Variants in OPCML observed in about 807,000 individuals in gnomAD.
OPCML encodes the protein opioid binding protein/cell adhesion molecule like.
Under a neutral mutation model 37.8 loss-of-function variants are expected in OPCML, and 13 were observed. That is an observed-to-expected ratio of 0.34 (90% CI 0.22 to 0.55). The LOEUF (loss-of-function observed/expected upper bound fraction) is 0.55. Ranked by LOEUF, OPCML falls within the 20% of genes least tolerant of loss-of-function variation. OPCML has a pLI of 0.91. For missense variants in OPCML, 341 were observed against 435.6 expected, an observed-to-expected ratio of 0.78 and a Z score of 1.93; for synonymous variants, 176 against 168.8, an observed-to-expected ratio of 1.04 and a Z score of -0.33.
chr11:132,813,077 G>A (rs985047902), intron 2 of OPCML, among the ~76,000 whole-genome samples: 8 of 152,024 alleles, frequency 5.3e-5, no homozygotes, highest in Admixed American at 6.6e-5. Context: ...ATTCCCTTTT[G>A]ATTCAAATAG....
chr11:132,528,958 A>G (rs145376852), intron 4 of OPCML, 103 bp downstream of exon 4: 1 of 649,924 alleles, frequency 1.5e-6, no homozygotes, highest in Non-Finnish European at 2.7e-6. Flanking sequence ...ATTTTCTATG[A>G]CTGGATTACA....
intron 2 of OPCML, among the ~76,000 whole-genome samples, chr11:132,832,871 C>A (rs766437998): frequency 6.6e-6 from 1 of 152,122 alleles, no homozygotes; most frequent in Non-Finnish European, 1.5e-5. Flanking sequence ...AGTATTTGTG[C>A]AACTAAGCTT....
rs545949522 is a variant in OPCML at position 133,435,678 on chromosome 11, G to A, written c.61+96586C>T. Among the ~76,000 whole-genome samples, 102 of 152,278 alleles carry A rather than the reference G, an allele frequency of 6.7e-4. 2 individuals are homozygous for A. In the South Asian group the frequency reaches 0.021, roughly 31 times the overall value. On this transcript the variant is annotated intron_variant, in intron 1 of 7. Coordinates refer to ENST00000524381, the MANE Select transcript of OPCML (RefSeq NM_001012393.5). ...AAAAGGAAAGGCATTTTATGTGGAC[G>A]ATACAAGCAGTGGATAATTAAAATA...
chr11:133,341,540 TG>T (rs1943870283), intron 1 of OPCML, among the ~76,000 whole-genome samples: 1 of 152,224 alleles, frequency 6.6e-6, no homozygotes. Flanking sequence ...CAGGAAGATT[TG>T]CCTGGGTGCA....
intron 1 of OPCML, among the ~76,000 whole-genome samples, chr11:133,228,059 T>C (rs553030413): frequency 5.9e-5 from 9 of 152,302 alleles, no homozygotes; most frequent in South Asian, 2.1e-4. Context: ...TCATCTTTAT[T>C]GGGAGACCTT....
intron 4 of OPCML, among the ~76,000 whole-genome samples, chr11:132,515,120 CT>C (rs2096276921): frequency 6.6e-6 from 1 of 152,138 alleles, no homozygotes; most frequent in Non-Finnish European, 1.5e-5. Flanking sequence ...AAGCAGGGGA[CT>C]AGTGGCTCTG....
chr11:132,850,820 G>A (rs1307872320), intron 2 of OPCML, among the ~76,000 whole-genome samples: 1 of 152,142 alleles, frequency 6.6e-6, no homozygotes, highest in Non-Finnish European at 1.5e-5. Flanking sequence ...AAAAAGACCA[G>A]ACCTGGCTAG....
chr11:133,454,865 A>G (rs971903732), intron 1 of OPCML, among the ~76,000 whole-genome samples: 5 of 152,210 alleles, frequency 3.3e-5, no homozygotes, highest in African/African-American at 1.2e-4. Flanking sequence ...ACTATAAAAA[A>G]GGACAGAGTG....
chr11:132,613,680 G>A (rs929207736), intron 3 of OPCML, among the ~76,000 whole-genome samples: 1 of 152,174 alleles, frequency 6.6e-6, no homozygotes, highest in South Asian at 2.1e-4. Context: ...ATGGAGAGGG[G>A]CAGCATATAA....
chr11:132,698,359 T>A (rs2917568), intron 2 of OPCML, among the ~76,000 whole-genome samples: 1 of 151,420 alleles, frequency 6.6e-6, no homozygotes, highest in Non-Finnish European at 1.5e-5. Flanking sequence ...TTATGTATGT[T>A]TGTGGTTTTG....
chr11:133,168,628 T>C lies in OPCML; in HGVS notation c.62-225618A>G, dbSNP rs556147979. Among the ~76,000 whole-genome samples, 120 of 152,320 alleles carry C rather than the reference T, an allele frequency of 7.9e-4. 1 individual carries two copies. In the Middle Eastern group the frequency reaches 0.024, roughly 30 times the overall value. On this transcript the variant is annotated intron_variant, in intron 1 of 7. Transcript: ENST00000524381. ...TTGTTTTGTAGCTAGCCTTAGTTGA[T>C]TCTATCTTGCCTAAGAACCACATCT...
intron 2 of OPCML, among the ~76,000 whole-genome samples, chr11:132,711,200 AC>A (rs1291344305): frequency 6.6e-6 from 1 of 152,244 alleles, no homozygotes; most frequent in African/African-American, 2.4e-5. Flanking sequence ...CCCTTCTCTT[AC>A]TGCTTTTGTC....
chr11:133,255,252 T>A (rs1941273710), intron 1 of OPCML, among the ~76,000 whole-genome samples: 1 of 152,058 alleles, frequency 6.6e-6, no homozygotes, highest in Non-Finnish European at 1.5e-5. Flanking sequence ...AACACTTAAA[T>A]ACGAATGTCT....
chr11:132,735,006 A>T (rs1161431523), intron 2 of OPCML, among the ~76,000 whole-genome samples: 10 of 152,218 alleles, frequency 6.6e-5, no homozygotes. Flanking sequence ...CTATCTAACT[A>T]GGTGATCTAG....
chr11:133,259,096 T>C (rs1178689180), intron 1 of OPCML, among the ~76,000 whole-genome samples: 2 of 152,180 alleles, frequency 1.3e-5, no homozygotes, highest in Non-Finnish European at 2.9e-5. Context: ...TAGTCAGAAA[T>C]TGTTCAACCT....
chr11:132,821,021 G>T (rs976889257), intron 2 of OPCML, among the ~76,000 whole-genome samples: 7 of 152,194 alleles, frequency 4.6e-5, no homozygotes, highest in African/African-American at 1.7e-4. Context: ...ATGTACCATA[G>T]ACAGAGTCCT....
chr11:133,376,586 G>A (rs1222778896), intron 1 of OPCML, among the ~76,000 whole-genome samples: 1 of 152,180 alleles, frequency 6.6e-6, no homozygotes, highest in Non-Finnish European at 1.5e-5. Context: ...TGTGGTTTAT[G>A]AGAATAGGAA....
chr11:133,481,037 T>C (rs1010711153), intron 1 of OPCML, among the ~76,000 whole-genome samples: 2 of 152,250 alleles, frequency 1.3e-5, no homozygotes, highest in African/African-American at 4.8e-5. Flanking sequence ...CAGGCCTATG[T>C]AGACATAGGT....
chr11:133,505,254 G>A (rs1948000958), intron 1 of OPCML, among the ~76,000 whole-genome samples: 1 of 152,218 alleles, frequency 6.6e-6, no homozygotes, highest in South Asian at 2.1e-4. Context: ...TACTGTCTTG[G>A]AGCTGGCACT....
Sources: allele counts gnomAD v4.1 joint callset (sites outside exome capture counted in the v4.1 genomes callset), GRCh38; gene constraint gnomAD v4.1.1; transcripts MANE v1.5; gene names NCBI Gene and HGNC (gene_info 2026-07-23, HGNC 2026-07-21).